The following S100A13 variants were observed in gnomAD, a reference collection of about 807,000 sequenced individuals.
S100A13 encodes the protein protein S100-A13.
S100A13 carries 6 observed loss-of-function variants against 8.2 expected under a neutral mutation model. The observed-to-expected ratio is 0.73, with a 90% CI of 0.40 to 1.44. The LOEUF (loss-of-function observed/expected upper bound fraction) is 1.44. Among genes scored for constraint, S100A13 ranks in the 40% most tolerant of loss-of-function variants. S100A13 has a pLI of 0.02. For missense variants in S100A13, 114 were observed against 113.6 expected (o/e 1.00, Z -0.02); for synonymous variants, 39 against 45.9 (o/e 0.85, Z 0.61).
chr1:153,628,442 T>C (rs1216422632), upstream of S100A13: 3 of 1,550,502 alleles, frequency 1.9e-6, no homozygotes, highest in Non-Finnish European at 2.6e-6. Flanking sequence ...GCAGCCACAT[T>C]TGCAACCTTG....
intron 2 of S100A13, among the ~76,000 whole-genome samples, chr1:153,621,653 G>A (rs1230664960): frequency 2.7e-5 from 4 of 148,740 alleles, no homozygotes; most frequent in Admixed American, 1.3e-4. Flanking sequence ...TTGTTCTTTC[G>A]CTCTTTGCAA....
chr1:153,631,864 G>A (rs186810005), upstream of S100A13: 3,624 of 1,609,850 alleles, frequency 2.3e-3, 44 homozygotes, highest in African/African-American at 0.031. Flanking sequence ...ATTGGGCAGC[G>A]CCCTTCCTCT....
At chr1:153,622,005 C>T (rs1667289239) in intron 2 of S100A13, among the ~76,000 whole-genome samples, 1 of 152,128 alleles carries the variant, frequency 6.6e-6, no homozygotes, top group African/African-American at 2.4e-5. Flanking sequence ...AGTACACAGG[C>T]ATCGCATGAA....
At chr1:153,630,935 A>C (rs968028665), upstream of S100A13, 3 of 472,492 alleles carry the variant, frequency 6.3e-6, no homozygotes, top group Non-Finnish European at 1.1e-5. Context: ...TTGACACTTA[A>C]AAGTAAACCA....
At chr1:153,628,053 G>A, upstream of S100A13, 1 of 1,550,288 alleles carries the variant, frequency 6.5e-7, no homozygotes, top group Non-Finnish European at 8.7e-7. Flanking sequence ...TCTCACTGAG[G>A]GTCCTCTCAG....
chr1:153,628,176 A>T (rs538006750), upstream of S100A13: 13 of 1,550,466 alleles, frequency 8.4e-6, no homozygotes, highest in South Asian at 1.5e-4. Context: ...TTGGGGTAAG[A>T]CATCCAGTGT....
chr1:153,626,173 A>C (rs1176464941), intron 2 of S100A13, 147 bp downstream of exon 2: 2 of 756,628 alleles, frequency 2.6e-6, no homozygotes, highest in Admixed American at 2.3e-5. Context: ...GTCTCGAAAA[A>C]ACAAAAGAAA....
intron 2 of S100A13, among the ~76,000 whole-genome samples, chr1:153,623,713 T>G (rs982072701): frequency 1.3e-5 from 2 of 152,168 alleles, no homozygotes; most frequent in Non-Finnish European, 2.9e-5. Context: ...AATAATTATC[T>G]GAAAGAACTG....
chr1:153,628,427 C>A, upstream of S100A13: 2 of 1,550,620 alleles, frequency 1.3e-6, no homozygotes, highest in Non-Finnish European at 1.7e-6. Flanking sequence ...CCACACACAG[C>A]TCCAGCAGCC....
At chr1:153,628,764 C>T (rs552159719), upstream of S100A13, 19 of 506,614 alleles carry the variant, frequency 3.8e-5, no homozygotes, top group Non-Finnish European at 5.4e-5. Flanking sequence ...GCTTCCTGAC[C>T]GCCTGGCCCT....
chr1:153,628,121 C>T (rs1424331346), upstream of S100A13: 12 of 1,550,414 alleles, frequency 7.7e-6, no homozygotes, highest in African/African-American at 4.1e-5. Context: ...CCCCCCTTAC[C>T]GGGCTCAACC....
intron 2 of S100A13, among the ~76,000 whole-genome samples, chr1:153,619,883 C>T (rs935501474): frequency 4.6e-5 from 7 of 152,054 alleles, no homozygotes; most frequent in Non-Finnish European, 7.4e-5. Context: ...GTTACAACCA[C>T]GTTTAATTAT....
upstream of S100A13, chr1:153,631,890 T>C (rs764785901): frequency 1.3e-6 from 2 of 1,594,480 alleles, no homozygotes; most frequent in African/African-American, 2.7e-5. Context: ...CTCCCAGACC[T>C]GCCTCTTCCC....
chr1:153,619,100 G>C (rs143734892), intron 2 of S100A13, 62 bp from the exon 3 acceptor site: 999 of 1,456,056 alleles, frequency 6.9e-4, no homozygotes, highest in Non-Finnish European at 8.7e-4. Flanking sequence ...AAGTAGGGAG[G>C]GAAGAACTGT....
chr1:153,630,499 G>A (rs778284998), upstream of S100A13: 12 of 1,613,168 alleles, frequency 7.4e-6, no homozygotes, highest in African/African-American at 1.3e-5. Flanking sequence ...TCCATGATGG[G>A]GGTGGGTAGG....
chr1:153,632,654 G>A (rs1002257869), upstream of S100A13, among the ~76,000 whole-genome samples: 4 of 152,072 alleles, frequency 2.6e-5, no homozygotes, highest in Non-Finnish European at 5.9e-5. Flanking sequence ...CCAGCATTAA[G>A]CAAAATAACC....
chr1:153,628,146 C>T, upstream of S100A13: 1 of 1,550,592 alleles, frequency 6.4e-7, no homozygotes, highest in Non-Finnish European at 8.7e-7. Flanking sequence ...CAGCCAGCCA[C>T]AGGTACTGCA....
chr1:153,622,840 T>C (rs1667356464), intron 2 of S100A13, among the ~76,000 whole-genome samples: 1 of 152,176 alleles, frequency 6.6e-6, no homozygotes, highest in African/African-American at 2.4e-5. Flanking sequence ...CAGCATCATC[T>C]GATACAAGCC....
At chr1:153,624,152 T>TA (rs1461544580) in intron 2 of S100A13, among the ~76,000 whole-genome samples, 2 of 152,244 alleles carry the variant, frequency 1.3e-5, no homozygotes, top group African/African-American at 2.4e-5. Context: ...GGTCAGCAGA[T>TA]AAAGGGAAAC....
Sources: allele counts gnomAD v4.1 joint callset (sites outside exome capture counted in the v4.1 genomes callset), GRCh38; gene constraint gnomAD v4.1.1; transcripts MANE v1.5; gene names NCBI Gene and HGNC (gene_info 2026-07-23, HGNC 2026-07-21).